Variants in PAMR1 observed in about 807,000 individuals in gnomAD.
PAMR1 encodes inactive serine protease PAMR1.
PAMR1 carries 88 observed loss-of-function variants against 81.8 expected under a neutral mutation model. That is an observed-to-expected ratio of 1.08 (90% CI 0.91 to 1.28). The LOEUF is 1.28. Ranked by LOEUF, PAMR1 falls within the 50% of genes most tolerant of loss-of-function variation. The pLI, the probability that PAMR1 is intolerant of heterozygous loss-of-function variation, is 0.00. For synonymous variants in PAMR1, 336 were observed against 345.3 expected, an observed-to-expected ratio of 0.97 and a Z score of 0.30; for missense variants, 935 against 919.7, an observed-to-expected ratio of 1.02 and a Z score of -0.21.
At chr11:35,455,260 G>C (rs1456640206) in intron 6 of PAMR1, among the ~76,000 whole-genome samples, 2 of 152,210 alleles carry the variant, frequency 1.3e-5, no homozygotes, top group Non-Finnish European at 2.9e-5. Flanking sequence ...TTCAGGAAAA[G>C]TGGTTCCTCA....
At chr11:35,480,345 T>A (rs989549065) in intron 3 of PAMR1, among the ~76,000 whole-genome samples, 1 of 152,222 alleles carries the variant, frequency 6.6e-6, no homozygotes, top group Admixed American at 6.5e-5. Flanking sequence ...TTGCCAGGGT[T>A]ATCACAAAAC....
intron 6 of PAMR1, among the ~76,000 whole-genome samples, chr11:35,464,333 A>T (rs1195892507): frequency 6.6e-6 from 1 of 152,240 alleles, no homozygotes; most frequent in African/African-American, 2.4e-5. Context: ...CTGATCTTGA[A>T]AAAATATCCA....
intron 3 of PAMR1, among the ~76,000 whole-genome samples, chr11:35,490,961 T>C (rs532467257): frequency 6.6e-6 from 1 of 152,336 alleles, no homozygotes; most frequent in South Asian, 2.1e-4. Flanking sequence ...CATTATGCAA[T>C]GCAGTCTCCA....
chr11:35,522,115 G>C (rs1008833146), intron 1 of PAMR1, among the ~76,000 whole-genome samples: 9 of 152,008 alleles, frequency 5.9e-5, no homozygotes, highest in Non-Finnish European at 1.2e-4. Context: ...GTAGAGACAG[G>C]GTTTCACTGT....
chr11:35,515,846 T>C (rs964440202), intron 1 of PAMR1, among the ~76,000 whole-genome samples: 2 of 151,716 alleles, frequency 1.3e-5, no homozygotes, highest in Admixed American at 1.3e-4. Flanking sequence ...TTCTCTTTTT[T>C]TTTCTCTCTC....
At chr11:35,523,110 G>A (rs114992594) in intron 1 of PAMR1, among the ~76,000 whole-genome samples, 84 of 152,158 alleles carry the variant, frequency 5.5e-4, no homozygotes, top group African/African-American at 1.9e-3. Flanking sequence ...AAATCCACCC[G>A]TGCCAAGAAG....
At chr11:35,440,231 G>A (rs1456304971) in intron 7 of PAMR1, among the ~76,000 whole-genome samples, 1 of 152,176 alleles carries the variant, frequency 6.6e-6, no homozygotes, top group Admixed American at 6.5e-5. Context: ...CTTCAAGAAT[G>A]AAAAGGAATC....
chr11:35,528,130 C>A (rs560558304), upstream of PAMR1, among the ~76,000 whole-genome samples: 51 of 152,234 alleles, frequency 3.4e-4, 2 homozygotes, highest in South Asian at 0.01. Flanking sequence ...GTCTATACCA[C>A]CCCCAAATAT....
At position 35,432,893 on chromosome 11, in the gene PAMR1, C is replaced by A. The variant is rs1442199238; in HGVS notation, c.1627-1G>T. ...TGGGATGCAGAATGATAGCAGAAAT[C>A]TACAAATGCAAGGAATGGGCAGCAA... On this transcript the variant is annotated splice_acceptor_variant, in intron 10 of 10. Coordinates refer to ENST00000619888, the MANE Select transcript of PAMR1 (RefSeq NM_001001991.3). LOFTEE classifies it high-confidence loss of function. The A allele has an allele frequency of 5.7e-6, 9 of 1,566,694 alleles. No homozygotes were observed. The highest frequency in any genetic ancestry group is 1.2e-5 in the South Asian group (1 of 85,612).
At chr11:35,449,724 C>T (rs962066577) in intron 6 of PAMR1, among the ~76,000 whole-genome samples, 13 of 152,150 alleles carry the variant, frequency 8.5e-5, no homozygotes, top group African/African-American at 2.7e-4. Flanking sequence ...ACCAAAGGCC[C>T]TGGTGGCATG....
chr11:35,525,576 C>G lies in PAMR1; in HGVS notation c.10G>C (p.Gly4Arg). Residue 4 changes from glycine to arginine, a missense_variant, in exon 1 of 11, where the codon GGT becomes CGT. Physicochemically the swap from Gly to Arg is moderately radical, Grantham distance 125. Coordinates refer to ENST00000619888, the MANE Select transcript of PAMR1 (RefSeq NM_001001991.3). Reference sequence around the variant, plus strand: ...GTGAGCCCCAACTGCGTCCAGCAACCCAGCTCCATCCTTGCCGCGGCTGGT... The same window carrying G: ...GTGAGCCCCAACTGCGTCCAGCAACGCAGCTCCATCCTTGCCGCGGCTGGT... The part of the protein sequence containing the change: MEL[G>R]CWTQLGLTFL... 1 of 1,613,874 alleles carries G rather than the reference C, an allele frequency of 6.2e-7. No individual in the cohort carries two copies. The highest frequency in any genetic ancestry group is 1.3e-5 in the African/African-American group (1 of 75,028).
At chr11:35,510,614 T>C (rs1450101461) in intron 1 of PAMR1, among the ~76,000 whole-genome samples, 1 of 152,224 alleles carries the variant, frequency 6.6e-6, no homozygotes, top group African/African-American at 2.4e-5. Flanking sequence ...CTTCAAGTCA[T>C]GTTTTCAATG....
chr11:35,521,216 C>T (rs1435998382), intron 1 of PAMR1, among the ~76,000 whole-genome samples: 1 of 152,196 alleles, frequency 6.6e-6, no homozygotes, highest in Non-Finnish European at 1.5e-5. Context: ...TAAGATTATG[C>T]TCCATGAAAT....
chr11:35,483,173 T>A (rs768178506), intron 3 of PAMR1, among the ~76,000 whole-genome samples: 1 of 152,168 alleles, frequency 6.6e-6, no homozygotes, highest in African/African-American at 2.4e-5. Context: ...TTAAGCTGAT[T>A]TGGGGCAGGA....
chr11:35,493,428 C>T (rs909885018), intron 2 of PAMR1, among the ~76,000 whole-genome samples: 1 of 152,006 alleles, frequency 6.6e-6, no homozygotes, highest in Non-Finnish European at 1.5e-5. Context: ...TCTCACTCTC[C>T]CTCTCCTTCT....
chr11:35,479,715 T>G (rs1407908934), intron 3 of PAMR1, among the ~76,000 whole-genome samples: 1 of 152,198 alleles, frequency 6.6e-6, no homozygotes, highest in Non-Finnish European at 1.5e-5. Flanking sequence ...CATCAAGAGA[T>G]GGTTTCGTGG....
rs879721936 is a variant in PAMR1 at position 35,519,315 on chromosome 11, GA to G, written c.73+6197del. Among the ~76,000 whole-genome samples, 112 of 152,254 alleles carry G rather than the reference GA, an allele frequency of 7.4e-4. 1 individual carries two copies. The highest frequency in any genetic ancestry group is 1.4e-3 in the Non-Finnish European group (94 of 68,004). On this transcript the variant is annotated intron_variant, in intron 1 of 10. Transcript: ENST00000619888. ...TCATCAACTATGTTTTGCCAAAAAAGAAGGGGGAAAAATGCTCCCGCTTATT... is the reference window on the plus strand; with the variant it reads ...TCATCAACTATGTTTTGCCAAAAAAGAGGGGGAAAAATGCTCCCGCTTATT...
At chr11:35,483,994 C>A (rs776238604) in intron 3 of PAMR1, among the ~76,000 whole-genome samples, 2 of 152,114 alleles carry the variant, frequency 1.3e-5, no homozygotes, top group Admixed American at 6.5e-5. Flanking sequence ...TCTTCTCTGG[C>A]CCTATATTGA....
At chr11:35,520,540 G>C (rs1050868523) in intron 1 of PAMR1, among the ~76,000 whole-genome samples, 1 of 152,184 alleles carries the variant, frequency 6.6e-6, no homozygotes, top group Non-Finnish European at 1.5e-5. Context: ...GGTGCTTTCA[G>C]TTTTCCAGCT....
Sources: allele counts gnomAD v4.1 joint callset (sites outside exome capture counted in the v4.1 genomes callset), GRCh38; gene constraint gnomAD v4.1.1; transcripts MANE v1.5; gene names NCBI Gene and HGNC (gene_info 2026-07-23, HGNC 2026-07-21).